Variants in RIMS2 observed in about 807,000 individuals in gnomAD.
RIMS2 encodes the protein regulating synaptic membrane exocytosis protein 2.
RIMS2 carries 59 observed loss-of-function variants against 174.4 expected under a neutral mutation model. That is an observed-to-expected ratio of 0.34 (90% CI 0.27 to 0.42). The LOEUF (loss-of-function observed/expected upper bound fraction) is 0.42. Among genes scored for constraint, RIMS2 ranks in the 10% least tolerant of loss-of-function variants. The pLI is 1.00. For missense variants in RIMS2, 1,620 were observed against 1,666.3 expected (o/e 0.97, Z 0.48); for synonymous variants, 606 against 572.5 (o/e 1.06, Z -0.84).
At chr8:103,661,799 C>G (rs1162241523) in intron 1 of RIMS2, among the ~76,000 whole-genome samples, 1 of 152,250 alleles carries the variant, frequency 6.6e-6, no homozygotes, top group Non-Finnish European at 1.5e-5. Flanking sequence ...GCCACTGCAT[C>G]TAGCCTAGAT....
intron 1 of RIMS2, among the ~76,000 whole-genome samples, chr8:103,501,916 A>G (rs1563547688): frequency 1.3e-5 from 2 of 152,292 alleles, no homozygotes; most frequent in South Asian, 4.1e-4. Context: ...GCACCAGGGA[A>G]CTGTCCAGAC....
chr8:104,208,577 G>A (rs201690642), intron 19 of RIMS2, among the ~76,000 whole-genome samples: 28 of 147,422 alleles, frequency 1.9e-4, no homozygotes, highest in Non-Finnish European at 1.5e-4. Flanking sequence ...CAAAAAAAAA[G>A]AAAAAAAAAA....
At chr8:103,962,122 A>C (rs1317101657) in intron 15 of RIMS2, among the ~76,000 whole-genome samples, 1 of 152,002 alleles carries the variant, frequency 6.6e-6, no homozygotes, top group African/African-American at 2.4e-5. Context: ...TTTTGTAAAT[A>C]TCTAGTCCAT....
intron 3 of RIMS2, among the ~76,000 whole-genome samples, chr8:103,796,495 GACTC>G (rs549958778): frequency 6.6e-6 from 1 of 152,096 alleles, no homozygotes; most frequent in Non-Finnish European, 1.5e-5. Flanking sequence ...CCTCTTTTGA[GACTC>G]ACTATTATTT....
chr8:103,998,136 A>G, intron 17 of RIMS2: 3 of 1,326,460 alleles, frequency 2.3e-6, no homozygotes, highest in East Asian at 2.4e-5. Context: ...CTTTTTTTTC[A>G]CTTCTTTCTT....
At chr8:103,871,190 C>A (rs1330074137) in intron 3 of RIMS2, among the ~76,000 whole-genome samples, 1 of 152,146 alleles carries the variant, frequency 6.6e-6, no homozygotes, top group Non-Finnish European at 1.5e-5. Context: ...GGATGGATCA[C>A]CTGAGGTCAA....
At chr8:104,149,332 C>T (rs1165617173) in intron 19 of RIMS2, among the ~76,000 whole-genome samples, 1 of 152,202 alleles carries the variant, frequency 6.6e-6, no homozygotes, top group African/African-American at 2.4e-5. Flanking sequence ...CAGTAGTTAT[C>T]AATTTTCTCA....
intron 1 of RIMS2, among the ~76,000 whole-genome samples, chr8:103,626,025 C>T (rs2095775570): frequency 6.6e-6 from 1 of 151,942 alleles, no homozygotes. Context: ...CAAGACCTAA[C>T]ACAATACCTG....
chr8:104,029,788 CT>C (rs1340175663), intron 19 of RIMS2, among the ~76,000 whole-genome samples: 1 of 152,098 alleles, frequency 6.6e-6, no homozygotes, highest in East Asian at 1.9e-4. Context: ...GGTGAAATAG[CT>C]TTTAAAAATG....
intron 3 of RIMS2, among the ~76,000 whole-genome samples, chr8:103,789,917 T>C (rs1240946279): frequency 6.6e-6 from 1 of 151,974 alleles, no homozygotes; most frequent in Non-Finnish European, 1.5e-5. Flanking sequence ...CATGTCCAGA[T>C]ATTTTTTTCT....
rs192287334 is a variant in RIMS2 at position 103,640,560 on chromosome 8, A to G, written c.177-56526A>G. Reference sequence around the variant, plus strand: ...CATCTCACAAGTTTTGATAGGTTGTATTTTCACTTTCATTTAGTTAAGCAT... The same window carrying G: ...CATCTCACAAGTTTTGATAGGTTGTGTTTTCACTTTCATTTAGTTAAGCAT... On this transcript the variant is annotated intron_variant, in intron 1 of 23. Transcript: ENST00000504942. 5.9e-5 allele frequency among the ~76,000 whole-genome samples: 9 copies of G among 152,092 alleles called. No homozygotes were observed. The East Asian group carries it at 1.7e-3, about 29-fold the overall frequency.
At chr8:103,801,271 G>A (rs1215421078) in intron 3 of RIMS2, among the ~76,000 whole-genome samples, 5 of 152,174 alleles carry the variant, frequency 3.3e-5, no homozygotes, top group Non-Finnish European at 5.9e-5. Flanking sequence ...ACAGGCATGG[G>A]CCACAGCACC....
chr8:104,038,779 A>G (rs1026521147), intron 19 of RIMS2, among the ~76,000 whole-genome samples: 5 of 151,904 alleles, frequency 3.3e-5, no homozygotes, highest in African/African-American at 1.2e-4. Context: ...TAATAAAACT[A>G]TAACCACAGG....
chr8:103,604,574 G>T (rs1336288396), intron 1 of RIMS2, among the ~76,000 whole-genome samples: 3 of 151,310 alleles, frequency 2.0e-5, no homozygotes, highest in Non-Finnish European at 4.4e-5. Flanking sequence ...CATTCAATCT[G>T]TAAATTACCT....
intron 2 of RIMS2, among the ~76,000 whole-genome samples, chr8:103,731,909 A>G (rs2097601235): frequency 6.6e-6 from 1 of 152,168 alleles, no homozygotes; most frequent in East Asian, 1.9e-4. Flanking sequence ...AATTTTCTAT[A>G]TGAAAGGTCA....
chr8:104,038,130 T>C (rs1239693665), intron 19 of RIMS2, among the ~76,000 whole-genome samples: 1 of 152,040 alleles, frequency 6.6e-6, no homozygotes, highest in Non-Finnish European at 1.5e-5. Context: ...TATTAAATAG[T>C]TTGCAACTTG....
At chr8:103,934,339 T>G (rs1412307650) in intron 12 of RIMS2, among the ~76,000 whole-genome samples, 1 of 152,178 alleles carries the variant, frequency 6.6e-6, no homozygotes, top group African/African-American at 2.4e-5. Context: ...CTTATTGATC[T>G]TAGTGTTTAA....
intron 4 of RIMS2, among the ~76,000 whole-genome samples, chr8:103,889,566 C>T (rs1565144783): frequency 1.3e-5 from 2 of 151,722 alleles, no homozygotes; most frequent in African/African-American, 4.8e-5. Flanking sequence ...TACTACGTAG[C>T]AGAATCTTTC....
At chr8:103,790,870 T>C (rs1457206621) in intron 3 of RIMS2, among the ~76,000 whole-genome samples, 1 of 152,152 alleles carries the variant, frequency 6.6e-6, no homozygotes, top group Non-Finnish European at 1.5e-5. Context: ...TTTATTAAAG[T>C]ATGGTGTTAG....
Sources: gnomAD v4.1 joint callset for allele counts (sites outside exome capture counted in the v4.1 genomes callset) on GRCh38, gnomAD v4.1.1 for gene constraint, MANE v1.5 for transcripts, NCBI Gene and HGNC (gene_info 2026-07-23, HGNC 2026-07-21) for gene names.